Variants in CTNNA3 observed in about 807,000 individuals in gnomAD.
CTNNA3 encodes the protein catenin alpha 3, also known as catenin alpha-3.
A neutral mutation model predicts 95.7 loss-of-function variants in CTNNA3; 76 were observed. The ratio of observed to expected loss-of-function variants is 0.79; its 90% CI spans 0.66 to 0.96. The LOEUF is 0.96. Among genes scored for constraint, CTNNA3 ranks in the 40% least tolerant of loss-of-function variants. The pLI is 0.00. For synonymous variants in CTNNA3, 431 were observed against 374.4 expected, an observed-to-expected ratio of 1.15 and a Z score of -1.74; for missense variants, 1,191 against 1,089.8, an observed-to-expected ratio of 1.09 and a Z score of -1.31.
intron 5 of CTNNA3, among the ~76,000 whole-genome samples, chr10:67,421,560 C>T (rs540395863): frequency 6.6e-6 from 1 of 152,298 alleles, no homozygotes; most frequent in South Asian, 2.1e-4. Flanking sequence ...CCTCTCTACA[C>T]ATCATGGGCT....
Position 66,309,359 on chromosome 10 carries a change from C to T in CTNNA3, c.1733-28738G>A, listed in dbSNP as rs537815772. On this transcript the variant is annotated intron_variant, in intron 12 of 17. Transcript: ENST00000433211. ...ACACAAATAGACGCTTCTAATAACA[C>T]CTTTTTTTTCGTCTCTGGAGCTCAA... Among the ~76,000 whole-genome samples, 7 of 152,032 alleles carry T rather than the reference C, an allele frequency of 4.6e-5. No homozygotes were observed. In the South Asian group the frequency reaches 1.2e-3, roughly 27 times the overall value.
intron 10 of CTNNA3, among the ~76,000 whole-genome samples, chr10:66,587,683 C>T (rs551333460): frequency 6.6e-6 from 1 of 152,252 alleles, no homozygotes; most frequent in Admixed American, 6.5e-5. Context: ...TAGCAAGCAG[C>T]AGTAAGCCCC....
At chr10:66,475,296 C>A (rs906488620) in intron 11 of CTNNA3, among the ~76,000 whole-genome samples, 3 of 151,822 alleles carry the variant, frequency 2.0e-5, no homozygotes, top group African/African-American at 7.3e-5. Flanking sequence ...AATTTAGGAC[C>A]CCAAAAATAT....
intron 13 of CTNNA3, among the ~76,000 whole-genome samples, chr10:66,128,905 T>G (rs2082954978): frequency 6.6e-6 from 1 of 151,990 alleles, no homozygotes; most frequent in African/African-American, 2.4e-5. Flanking sequence ...AGGCTATCTC[T>G]GTAACTTTTA....
intron 9 of CTNNA3, among the ~76,000 whole-genome samples, chr10:66,737,466 A>G (rs1223781421): frequency 6.6e-6 from 1 of 152,180 alleles, no homozygotes; most frequent in Non-Finnish European, 1.5e-5. Context: ...ATTTTCAAGT[A>G]GGATTATTCA....
In CTNNA3 at chr10:66,435,869, G is replaced by C. The variant is rs189762871; in HGVS notation, c.1532-56517C>G. Among the ~76,000 whole-genome samples the C allele has an allele frequency of 2.7e-3, 417 of 152,248 alleles. 2 individuals carry two copies. Among genetic ancestry groups the C allele is most frequent in the African/African-American group, 9.6e-3 (399 of 41,538 alleles). Reference sequence around the variant, plus strand: ...CTTTAGCTGTGTCCCAGAGATTCTGGTATGTTGTGTCTTTGTTCTTATTGG... The same window carrying C: ...CTTTAGCTGTGTCCCAGAGATTCTGCTATGTTGTGTCTTTGTTCTTATTGG... On this transcript the variant is annotated intron_variant, in intron 11 of 17. Coordinates refer to ENST00000433211, the MANE Select transcript of CTNNA3 (RefSeq NM_013266.4).
At chr10:67,743,976 C>A (rs1261468254) in intron 1 of CTNNA3, among the ~76,000 whole-genome samples, 1 of 151,222 alleles carries the variant, frequency 6.6e-6, no homozygotes, top group Non-Finnish European at 1.5e-5. Context: ...AGGAGAACTA[C>A]AAACTACTGC....
At chr10:66,337,724 T>C (rs2092412080) in intron 12 of CTNNA3, among the ~76,000 whole-genome samples, 1 of 152,060 alleles carries the variant, frequency 6.6e-6, no homozygotes, top group South Asian at 2.1e-4. Context: ...ACTAAGGTGG[T>C]CATAATAAAT....
intron 7 of CTNNA3, among the ~76,000 whole-genome samples, chr10:66,849,938 A>G (rs1166372126): frequency 5.3e-5 from 8 of 151,838 alleles, no homozygotes; most frequent in Non-Finnish European, 1.2e-4. Flanking sequence ...TTACATAGCC[A>G]TGAGTAAAAG....
At chr10:66,871,470 G>C (rs1166652348) in intron 7 of CTNNA3, among the ~76,000 whole-genome samples, 1 of 150,010 alleles carries the variant, frequency 6.7e-6, no homozygotes, top group Non-Finnish European at 1.5e-5. Context: ...GCTGACGCAG[G>C]AGAATCTCTT....
intron 7 of CTNNA3, among the ~76,000 whole-genome samples, chr10:67,109,609 C>G (rs539016854): frequency 6.6e-6 from 1 of 152,254 alleles, no homozygotes; most frequent in East Asian, 1.9e-4. Flanking sequence ...CTTTGGGAGG[C>G]CGAGGTGTGT....
At chr10:67,698,249 AAG>A (rs60418784), upstream of CTNNA3, among the ~76,000 whole-genome samples, 1 of 151,560 alleles carries the variant, frequency 6.6e-6, no homozygotes, top group Non-Finnish European at 1.5e-5. Context: ...GGAAAAAAAA[AAG>A]AGAGAAAAAA....
At chr10:66,836,116 A>G (rs149898601) in intron 7 of CTNNA3, among the ~76,000 whole-genome samples, 2 of 152,310 alleles carry the variant, frequency 1.3e-5, no homozygotes, top group East Asian at 3.9e-4. Flanking sequence ...CCAATTCTGT[A>G]GCAAATATTT....
intron 7 of CTNNA3, among the ~76,000 whole-genome samples, chr10:66,897,325 A>G (rs746242718): frequency 3.9e-5 from 6 of 152,080 alleles, no homozygotes; most frequent in Admixed American, 2.0e-4. Flanking sequence ...TATCCATGGG[A>G]AGAAAAGGGA....
In CTNNA3 at chr10:66,585,859, T is replaced by G. The variant is rs534431612; in HGVS notation, c.1374+35833A>C. Among the ~76,000 whole-genome samples the G allele has an allele frequency of 3.2e-4, 48 of 152,238 alleles. No homozygotes were observed. The South Asian group carries it at 9.7e-3, about 31-fold the overall frequency. ...AATGTTTTTTATGTTTCCAGAATTG[T>G]TTTTATGGTTCCTTCTCATTTGTGT... On this transcript the variant is annotated intron_variant, in intron 10 of 17. Transcript: ENST00000433211.
Position 67,647,520 on chromosome 10 carries a change from T to C in CTNNA3, c.-5-2A>G, listed in dbSNP as rs746840808. On this transcript the variant is annotated splice_acceptor_variant, in intron 1 of 17. Transcript: ENST00000433211. LOFTEE classifies it low-confidence loss of function (5UTR_SPLICE). ...TTGGTGTTTCAGCTGACATGCTGCC[T>C]GTGCACAAACACAAAAGGATGCTTA... is the stretch of plus-strand genomic sequence containing the variant. 2 of 1,611,360 alleles carry C rather than the reference T, an allele frequency of 1.2e-6. No individual in the cohort carries two copies. The highest frequency in any genetic ancestry group is 1.3e-5 in the African/African-American group (1 of 74,976).
intron 11 of CTNNA3, among the ~76,000 whole-genome samples, chr10:66,451,931 C>G (rs1391822696): frequency 6.6e-6 from 1 of 152,126 alleles, no homozygotes; most frequent in Non-Finnish European, 1.5e-5. Context: ...ATTTCTGATT[C>G]TGCTTCCAAA....
Position 67,388,845 on chromosome 10 carries a change from T to C in CTNNA3, c.579+132997A>G, listed in dbSNP as rs561476572. On this transcript the variant is annotated intron_variant, in intron 5 of 17. Transcript: ENST00000433211. ...AGTGAAGGAGAAATAAAATACTTTA[T>C]AGACAAGCAAATGCTGAGAGATTTT... is the stretch of plus-strand genomic sequence containing the variant. Among the ~76,000 whole-genome samples the C allele has an allele frequency of 5.4e-3, 821 of 151,976 alleles. 7 individuals carry two copies. The highest frequency in any genetic ancestry group is 0.019 in the African/African-American group (770 of 41,418).
chr10:67,533,071 C>G (rs1458776815), intron 4 of CTNNA3, among the ~76,000 whole-genome samples: 1 of 152,160 alleles, frequency 6.6e-6, no homozygotes, highest in Non-Finnish European at 1.5e-5. Context: ...CGCCTGTAAT[C>G]CCAGCACTTT....
Sources: gnomAD v4.1 joint callset for allele counts (sites outside exome capture counted in the v4.1 genomes callset) on GRCh38, gnomAD v4.1.1 for gene constraint, MANE v1.5 for transcripts, NCBI Gene and HGNC (gene_info 2026-07-23, HGNC 2026-07-21) for gene names.